Variants in PIK3C2G observed in about 807,000 individuals in gnomAD.
PIK3C2G encodes the protein phosphatidylinositol-4-phosphate 3-kinase catalytic subunit type 2 gamma, also known as phosphatidylinositol 3-kinase C2 domain-containing subunit gamma.
PIK3C2G carries 168 observed loss-of-function variants against 181.1 expected under a neutral mutation model. The observed-to-expected ratio is 0.93, with a 90% CI of 0.82 to 1.05. The LOEUF is 1.05. Ranked by LOEUF, PIK3C2G falls within the 50% of genes least tolerant of loss-of-function variation. PIK3C2G has a pLI of 0.00. For synonymous variants in PIK3C2G, 573 were observed against 592.2 expected, an observed-to-expected ratio of 0.97 and a Z score of 0.47; for missense variants, 1,869 against 1,732.8, an observed-to-expected ratio of 1.08 and a Z score of -1.40.
chr12:18,587,932 C>T (rs1428540594), intron 29 of PIK3C2G, among the ~76,000 whole-genome samples: 3 of 151,498 alleles, frequency 2.0e-5, no homozygotes, highest in Admixed American at 6.6e-5. Context: ...AACAGAATAA[C>T]GAGCCCAGAA....
the PIK3C2G span, among the ~76,000 whole-genome samples, chr12:18,653,842 T>C: frequency 6.6e-6 from 1 of 152,044 alleles, no homozygotes. Context: ...AAAGAGAAAA[T>C]GCCCTCTTCC....
intron 13 of PIK3C2G, among the ~76,000 whole-genome samples, chr12:18,373,842 G>A (rs1942246247): frequency 6.6e-6 from 1 of 151,008 alleles, no homozygotes; most frequent in Admixed American, 6.6e-5. Context: ...GACAGAGCGA[G>A]ACTCCGTCTA....
At chr12:18,296,124 CAT>C (rs1038728801) in intron 5 of PIK3C2G, among the ~76,000 whole-genome samples, 1 of 152,012 alleles carries the variant, frequency 6.6e-6, no homozygotes, top group African/African-American at 2.4e-5. Context: ...TGACTACAAA[CAT>C]AGCACTGTTA....
At chr12:18,647,663 C>T (rs1950215290) in intron 32 of PIK3C2G, among the ~76,000 whole-genome samples, 1 of 148,512 alleles carries the variant, frequency 6.7e-6, no homozygotes, top group Non-Finnish European at 1.5e-5. Context: ...TTCTAGGATT[C>T]TTACAAAAAT....
chr12:18,380,940 A>G (rs1383290598), intron 13 of PIK3C2G, among the ~76,000 whole-genome samples: 1 of 152,224 alleles, frequency 6.6e-6, no homozygotes, highest in Non-Finnish European at 1.5e-5. Context: ...CTTAAATTTA[A>G]TTTTGTTGAC....
the PIK3C2G span, among the ~76,000 whole-genome samples, chr12:18,710,002 T>C: frequency 6.6e-6 from 1 of 151,890 alleles, no homozygotes; most frequent in East Asian, 1.9e-4. Context: ...TATGTCGATT[T>C]TGTGTTCTGC....
At chr12:18,501,783 G>C (rs1941505617) in intron 22 of PIK3C2G, among the ~76,000 whole-genome samples, 1 of 152,122 alleles carries the variant, frequency 6.6e-6, no homozygotes, top group Non-Finnish European at 1.5e-5. Context: ...TTGGGATTTA[G>C]CAAACATTAA....
the PIK3C2G span, among the ~76,000 whole-genome samples, chr12:18,657,899 T>C: frequency 9.2e-5 from 14 of 152,250 alleles, no homozygotes; most frequent in East Asian, 1.5e-3. Context: ...AAATTAACTA[T>C]TTAAATATGC....
chr12:18,289,237 T>C (rs1949584500), intron 3 of PIK3C2G, among the ~76,000 whole-genome samples: 1 of 152,188 alleles, frequency 6.6e-6, no homozygotes, highest in East Asian at 1.9e-4. Context: ...CTTTGATTTC[T>C]CATTGTAACA....
the PIK3C2G span, among the ~76,000 whole-genome samples, chr12:18,700,538 A>AAAAAAAAGG: frequency 7.4e-5 from 10 of 135,982 alleles, no homozygotes; most frequent in Non-Finnish European, 1.1e-4. Context: ...AAAAAAAAAT[A>AAAAAAAAGG]GTTGCTCTGC....
intron 1 of PIK3C2G, among the ~76,000 whole-genome samples, chr12:18,262,122 C>T (rs1375283386): frequency 6.6e-6 from 1 of 152,070 alleles, no homozygotes; most frequent in African/African-American, 2.4e-5. Context: ...TTTCCATTTC[C>T]TCCCTCTGTG....
At chr12:18,553,986 A>C (rs1318481136) in intron 26 of PIK3C2G, among the ~76,000 whole-genome samples, 1 of 152,184 alleles carries the variant, frequency 6.6e-6, no homozygotes, top group South Asian at 2.1e-4. Flanking sequence ...ATGGCTTAGC[A>C]ATCAGTTATG....
the PIK3C2G span, chr12:18,693,905 G>T: frequency 1.3e-6 from 2 of 1,528,416 alleles, no homozygotes; most frequent in South Asian, 2.2e-5. Context: ...GCTGGCTGAT[G>T]ATGTAACCCT....
chr12:18,715,280 A>C, the PIK3C2G span, among the ~76,000 whole-genome samples: 1 of 150,582 alleles, frequency 6.6e-6, no homozygotes, highest in African/African-American at 2.4e-5. Context: ...CTGATGAGGA[A>C]GTAAGGCTTT....
chr12:18,604,529 C>T (rs926841860), intron 30 of PIK3C2G, among the ~76,000 whole-genome samples: 2 of 152,126 alleles, frequency 1.3e-5, no homozygotes, highest in Admixed American at 1.3e-4. Flanking sequence ...TTAAACTATA[C>T]CTTGGAGCAA....
intron 24 of PIK3C2G, among the ~76,000 whole-genome samples, chr12:18,519,697 G>A (rs914204541): frequency 6.6e-6 from 1 of 151,602 alleles, no homozygotes; most frequent in South Asian, 2.1e-4. Flanking sequence ...CTTTTAGTTG[G>A]GACATTTAGC....
chr12:18,410,165 C>T (rs748663260), intron 16 of PIK3C2G, among the ~76,000 whole-genome samples: 24 of 152,032 alleles, frequency 1.6e-4, no homozygotes, highest in Non-Finnish European at 2.9e-4. Flanking sequence ...AAACATTCAC[C>T]AACATGGGGC....
chr12:18,676,303 T>C, the PIK3C2G span, among the ~76,000 whole-genome samples: 3 of 152,148 alleles, frequency 2.0e-5, no homozygotes, highest in Non-Finnish European at 4.4e-5. Flanking sequence ...TGTCTATATT[T>C]GCTTAAACCA....
intron 32 of PIK3C2G, among the ~76,000 whole-genome samples, chr12:18,642,876 T>A (rs1949916159): frequency 6.6e-6 from 1 of 151,374 alleles, no homozygotes; most frequent in Non-Finnish European, 1.5e-5. Context: ...AGAGAGAGAT[T>A]CTCTAAACTG....
Sources: allele counts gnomAD v4.1 joint callset (sites outside exome capture counted in the v4.1 genomes callset), GRCh38; gene constraint gnomAD v4.1.1; transcripts MANE v1.5; gene names NCBI Gene and HGNC (gene_info 2026-07-23, HGNC 2026-07-21).